The following MKRN2OS variants were observed in gnomAD, a reference collection of about 807,000 sequenced individuals.
MKRN2OS encodes MKRN2 opposite strand, also known as MKRN2 opposite strand protein.
A neutral mutation model predicts 18.2 loss-of-function variants in MKRN2OS; 17 were observed. That is an observed-to-expected ratio of 0.93 (90% confidence interval 0.64 to 1.40). The LOEUF is 1.40. Among genes scored for constraint, MKRN2OS ranks in the 40% most tolerant of loss-of-function variants. The pLI is 0.00. For synonymous variants in MKRN2OS, 121 were observed against 108.5 expected, an observed-to-expected ratio of 1.12 and a Z score of -0.72; for missense variants, 337 against 283.0, an observed-to-expected ratio of 1.19 and a Z score of -1.37.
intron 1 of MKRN2OS, among the ~76,000 whole-genome samples, chr3:12,554,533 C>T (rs1006140684): frequency 1.3e-5 from 2 of 151,364 alleles, no homozygotes; most frequent in Non-Finnish European, 2.9e-5. Flanking sequence ...GCCCATGACA[C>T]AGACCTCAGG....
downstream of MKRN2OS, among the ~76,000 whole-genome samples, chr3:12,551,190 T>C (rs1008161423): frequency 5.4e-5 from 7 of 130,354 alleles, no homozygotes; most frequent in Non-Finnish European, 9.6e-5. Flanking sequence ...TCATTACACT[T>C]TATTAAAAAA....
rs2057873110 is a variant in MKRN2OS, at chr3:12,545,442, T to G, written c.23A>C (p.Lys8Thr). 2 of 1,533,998 alleles carry G rather than the reference T, an allele frequency of 1.3e-6. No individual in the cohort carries two copies. Among genetic ancestry groups the G allele is most frequent in the Non-Finnish European group, 1.7e-6 (2 of 1,146,196 alleles). ...ACAGTGGTTGAATTTAATTAAAGCC[T>G]TCCCAGCCTCTGCGCAGTGCATAGC... MHCAEAG[K>T]ALIKFNHCEK... The change falls in exon 1 of 4, where the codon AAG (lysine) becomes ACG (threonine). Residue 8 changes from lysine to threonine, a missense_variant. By Grantham distance (78) the Lys-to-Thr change is moderately conservative. Transcript: ENST00000564146.
rs150081417 is a variant in MKRN2OS, at chr3:12,543,840, C to A, written c.219-611G>T. ...CTGGGAGGCGGAGGTGGCAGTGAGCCGAGATTGCACCACTGCACTCCACCC... is the reference window on the plus strand; with the variant it reads ...CTGGGAGGCGGAGGTGGCAGTGAGCAGAGATTGCACCACTGCACTCCACCC... On this transcript the variant is annotated intron_variant, in intron 1 of 3. Coordinates refer to ENST00000564146, the MANE Select transcript of MKRN2OS (RefSeq NM_001195279.2). Among the ~76,000 whole-genome samples the A allele has an allele frequency of 1.4e-3, 207 of 150,750 alleles. 4 individuals are homozygous for A. The East Asian group carries it at 0.036, about 26-fold the overall frequency.
chr3:12,542,683 GGAA>G (rs1261458432), intron 2 of MKRN2OS, among the ~76,000 whole-genome samples: 1 of 145,588 alleles, frequency 6.9e-6, no homozygotes, highest in Non-Finnish European at 1.5e-5. Flanking sequence ...GGTGGCCAAA[GGAA>G]GTTTTGTTTA....
At chr3:12,540,877 C>CAAAAAAAAAA (rs11369647) in intron 3 of MKRN2OS, among the ~76,000 whole-genome samples, 3 of 59,658 alleles carry the variant, frequency 5.0e-5, no homozygotes, top group Non-Finnish European at 6.5e-5. Context: ...GACTCCATCT[C>CAAAAAAAAAA]AAAAAAAAAA....
At chr3:12,556,996 C>G (rs1342091959) in intron 1 of MKRN2OS, 5 of 831,036 alleles carry the variant, frequency 6.0e-6, no homozygotes, top group Non-Finnish European at 8.1e-6. Context: ...AGGTTACCCG[C>G]CGGCGCTACA....
rs573529843 is a variant in MKRN2OS at position 12,545,300 on chromosome 3, T to C, written c.165A>G (p.Gly55=). The change falls in exon 1 of 4, where the codon GGA becomes GGG. Residue 55 remains glycine (G), a synonymous_variant. Coordinates refer to ENST00000564146, the MANE Select transcript of MKRN2OS (RefSeq NM_001195279.2). The stretch of plus-strand genomic sequence containing the variant: ...GGAGGAATGAACATTTTTCTTGATG[T>C]CCATTAGTAAATGGATTAGCGATGC... The part of the protein sequence containing the change: ...PVSIANPFTN[G]HQEKCSFLLR... 1.6e-5 allele frequency: 25 copies of C among 1,536,114 alleles called. No individual in the cohort carries two copies. The East Asian group carries it at 5.1e-4, about 32-fold the overall frequency.
chr3:12,545,168 TAAGAA>T (rs1239400618), intron 1 of MKRN2OS, 74 bp downstream of exon 1: 3 of 1,186,608 alleles, frequency 2.5e-6, no homozygotes, highest in Non-Finnish European at 3.4e-6. Flanking sequence ...CATTATGTAT[TAAGAA>T]AAGGAAACTT....
At chr3:12,542,935 C>T (rs970635237) in intron 2 of MKRN2OS, among the ~76,000 whole-genome samples, 3 of 152,116 alleles carry the variant, frequency 2.0e-5, no homozygotes, top group Non-Finnish European at 4.4e-5. Flanking sequence ...AAAAAATGTA[C>T]AGGTTTGTGA....
At chr3:12,548,542 G>A (rs2057905458), upstream of MKRN2OS, among the ~76,000 whole-genome samples, 1 of 149,476 alleles carries the variant, frequency 6.7e-6, no homozygotes, top group Non-Finnish European at 1.5e-5. Flanking sequence ...TGAGACAGGA[G>A]AATCGCTTGA....
chr3:12,557,059 G>T, intron 1 of MKRN2OS: 1 of 1,319,306 alleles, frequency 7.6e-7, no homozygotes. Flanking sequence ...GCGTGACGCG[G>T]CTACGCGGGA....
At position 12,545,493 on chromosome 3, in the gene MKRN2OS, G is replaced by T. The variant is rs1302959474; in HGVS notation, c.-29C>A. ...TTTCGCCTCCTGGAATGCTAGGGGA[G>T]GTTTCCGGAGACTTCCTTTTCCTCA... On this transcript the variant is annotated 5_prime_UTR_variant, in exon 1 of 4. Coordinates refer to ENST00000564146, the MANE Select transcript of MKRN2OS (RefSeq NM_001195279.2). The T allele has an allele frequency of 7.5e-6, 11 of 1,464,170 alleles. No homozygotes were observed. In the Admixed American group the frequency reaches 2.1e-4, roughly 28 times the overall value. 90.7% of individuals were successfully genotyped at this position (1,464,170 alleles called of 1,614,324 possible). A position where few individuals can be genotyped will look rare whatever the true frequency, so the allele number is the denominator to read the frequency against.
At chr3:12,560,131 C>T (rs530277920) in intron 1 of MKRN2OS, among the ~76,000 whole-genome samples, 107 of 152,242 alleles carry the variant, frequency 7.0e-4, no homozygotes, top group South Asian at 1.5e-3. Context: ...TAGCAACAAA[C>T]CATTTATTTT....
At chr3:12,548,276 G>A (rs918201327), upstream of MKRN2OS, among the ~76,000 whole-genome samples, 4 of 151,988 alleles carry the variant, frequency 2.6e-5, no homozygotes, top group African/African-American at 9.7e-5. Flanking sequence ...GTGAAACCTC[G>A]TCTGTACTAA....
At chr3:12,552,270 A>G (rs1454361205), downstream of MKRN2OS, among the ~76,000 whole-genome samples, 1 of 151,766 alleles carries the variant, frequency 6.6e-6, no homozygotes, top group Non-Finnish European at 1.5e-5. Context: ...GTGAGCTGAG[A>G]TCGTGCCGCT....
rs192042341 is a variant in MKRN2OS, at chr3:12,543,249, T to G, written c.219-20A>C. ...TACTCTCTGAAAGAAACAAGGTTTG[T>G]TTTTTTTTGGTTTGCATGTATTTGG... is the stretch of plus-strand genomic sequence containing the variant. On this transcript the variant is annotated intron_variant, in intron 1 of 3. Transcript: ENST00000564146. 3.0e-4 allele frequency: 440 copies of G among 1,455,212 alleles called. 3 individuals carry two copies. The East Asian group carries it at 7.4e-3, about 25-fold the overall frequency. 90.1% of individuals were successfully genotyped at this position (1,455,212 alleles called of 1,614,324 possible).
chr3:12,559,944 C>T (rs1052349338), intron 1 of MKRN2OS, among the ~76,000 whole-genome samples: 3 of 152,088 alleles, frequency 2.0e-5, no homozygotes, highest in Non-Finnish European at 4.4e-5. Flanking sequence ...GCTTTTGATT[C>T]TTTGAAAGTC....
intron 1 of MKRN2OS, among the ~76,000 whole-genome samples, chr3:12,543,961 T>C (rs1371943465): frequency 6.6e-6 from 1 of 152,020 alleles, no homozygotes; most frequent in Non-Finnish European, 1.5e-5. Flanking sequence ...TACCTGGAGC[T>C]GGTTAAAAGA....
chr3:12,553,334 C>G (rs1254236979), downstream of MKRN2OS, among the ~76,000 whole-genome samples: 1 of 151,742 alleles, frequency 6.6e-6, no homozygotes, highest in Non-Finnish European at 1.5e-5. Context: ...TGGGGTTTAT[C>G]CTGAGCAATT....
Sources: allele counts gnomAD v4.1 joint callset (sites outside exome capture counted in the v4.1 genomes callset), GRCh38; gene constraint gnomAD v4.1.1; transcripts MANE v1.5; gene names NCBI Gene and HGNC (gene_info 2026-07-23, HGNC 2026-07-21).